EPHB1: variants seen among roughly 807,000 people sequenced by gnomAD.
EPHB1 encodes EPH receptor B1.
Under a neutral mutation model 94.4 loss-of-function variants are expected in EPHB1, and 30 were observed. That is an observed-to-expected ratio of 0.32 (90% CI 0.24 to 0.43). The LOEUF is 0.43. Among genes scored for constraint, EPHB1 ranks in the 20% least tolerant of loss-of-function variants. The pLI is 1.00. For synonymous variants in EPHB1, 522 were observed against 489.1 expected, an observed-to-expected ratio of 1.07 and a Z score of -0.89; for missense variants, 1,055 against 1,308.3, an observed-to-expected ratio of 0.81 and a Z score of 2.99.
intron 7 of EPHB1, among the ~76,000 whole-genome samples, chr3:135,164,847 G>A (rs1233180596): frequency 3.3e-5 from 5 of 150,520 alleles, no homozygotes; most frequent in Non-Finnish European, 5.9e-5. Flanking sequence ...TGTCATTAGG[G>A]TTGCTAGATA....
intron 3 of EPHB1, among the ~76,000 whole-genome samples, chr3:134,987,887 C>T (rs551451812): frequency 1.1e-4 from 17 of 152,272 alleles, no homozygotes; most frequent in Admixed American, 3.9e-4. Context: ...TGATCTTGGA[C>T]GCCCAGCCTC....
chr3:135,091,419 C>G (rs1938547135), intron 3 of EPHB1, among the ~76,000 whole-genome samples: 1 of 152,144 alleles, frequency 6.6e-6, no homozygotes, highest in African/African-American at 2.4e-5. Context: ...TAGTTTGTGC[C>G]TGGAACATTG....
intron 1 of EPHB1, among the ~76,000 whole-genome samples, chr3:134,856,931 G>T (rs927986759): frequency 6.6e-6 from 1 of 152,230 alleles, no homozygotes; most frequent in Middle Eastern, 3.2e-3. Flanking sequence ...AAGAAGGAAG[G>T]TGTGCTGTTT....
intron 12 of EPHB1, among the ~76,000 whole-genome samples, chr3:135,216,986 T>C (rs929492974): frequency 2.6e-5 from 4 of 152,132 alleles, no homozygotes; most frequent in Non-Finnish European, 4.4e-5. Context: ...CACCTGTGTC[T>C]GGAATTAAAA....
At chr3:134,806,775 C>T (rs187977912) in intron 1 of EPHB1, among the ~76,000 whole-genome samples, 105 of 152,212 alleles carry the variant, frequency 6.9e-4, no homozygotes, top group Non-Finnish European at 1.3e-3. Flanking sequence ...AGGCACAAAA[C>T]CAGAAATATT....
intron 5 of EPHB1, among the ~76,000 whole-genome samples, chr3:135,148,091 CA>C (rs1384128077): frequency 2.2e-4 from 33 of 152,018 alleles, no homozygotes; most frequent in African/African-American, 8.0e-4. Flanking sequence ...TATTTTGGCA[CA>C]AAAATCAACT....
rs866877118 is a variant in EPHB1, at chr3:135,033,256, C to G, written c.806-73192C>G. On this transcript the variant is annotated intron_variant, in intron 3 of 15. Coordinates refer to ENST00000398015, the MANE Select transcript of EPHB1 (RefSeq NM_004441.5). ...GTTTATGGTGGGTTCGGCTTAAAGACAGAGAGACAGTCTCAGAGAACCCAG... is the reference window on the plus strand; with the variant it reads ...GTTTATGGTGGGTTCGGCTTAAAGAGAGAGAGACAGTCTCAGAGAACCCAG... Among the ~76,000 whole-genome samples the G allele has an allele frequency of 3.9e-5, 6 of 152,126 alleles. No individual in the cohort carries two copies. In the South Asian group the frequency reaches 1.2e-3, roughly 32 times the overall value.
chr3:135,109,043 G>T (rs1422564820), intron 4 of EPHB1, among the ~76,000 whole-genome samples: 1 of 152,184 alleles, frequency 6.6e-6, no homozygotes, highest in African/African-American at 2.4e-5. Flanking sequence ...GGGAGGGGTT[G>T]CGAAGGTTAT....
intron 4 of EPHB1, among the ~76,000 whole-genome samples, chr3:135,109,399 C>A (rs1247932499): frequency 1.3e-5 from 2 of 152,196 alleles, no homozygotes; most frequent in African/African-American, 4.8e-5. Flanking sequence ...GTATGCTTTT[C>A]TGAGTTATTA....
At chr3:135,089,204 A>T (rs777383375) in intron 3 of EPHB1, among the ~76,000 whole-genome samples, 1 of 152,226 alleles carries the variant, frequency 6.6e-6, no homozygotes, top group Non-Finnish European at 1.5e-5. Flanking sequence ...TCCAGCCAGT[A>T]AGCTATCAAG....
intron 4 of EPHB1, among the ~76,000 whole-genome samples, chr3:135,117,154 G>A (rs1456125407): frequency 6.6e-6 from 1 of 152,234 alleles, no homozygotes; most frequent in Non-Finnish European, 1.5e-5. Flanking sequence ...AAAAGGTTCT[G>A]GTGATGCCTG....
chr3:135,063,525 G>T (rs933078667), intron 3 of EPHB1, among the ~76,000 whole-genome samples: 1 of 152,094 alleles, frequency 6.6e-6, no homozygotes, highest in Non-Finnish European at 1.5e-5. Flanking sequence ...CTAACGATTT[G>T]TGTACACTAA....
intron 3 of EPHB1, among the ~76,000 whole-genome samples, chr3:134,960,689 G>A (rs1258841605): frequency 1.3e-5 from 2 of 152,178 alleles, no homozygotes; most frequent in Non-Finnish European, 2.9e-5. Context: ...AGCTACAATA[G>A]GCCCCTGGAG....
rs2037914774 is a variant in EPHB1 at position 134,889,040 on chromosome 3, G to A, written c.59-36776G>A. On this transcript the variant is annotated intron_variant, in intron 1 of 15. Coordinates refer to ENST00000398015, the MANE Select transcript of EPHB1 (RefSeq NM_004441.5). ...TAGACCCATTAGCAGCCACTCATAG[G>A]TGCTGGGAAGAAATTTAGATTTTCT... 2.0e-5 allele frequency among the ~76,000 whole-genome samples: 3 copies of A among 152,354 alleles called. No individual in the cohort carries two copies. In the South Asian group the frequency reaches 6.2e-4, roughly 32 times the overall value.
chr3:135,040,531 G>T (rs1484453940), intron 3 of EPHB1, among the ~76,000 whole-genome samples: 1 of 152,248 alleles, frequency 6.6e-6, no homozygotes, highest in Admixed American at 6.5e-5. Flanking sequence ...CTGCAGGAGT[G>T]TGGGACTGAC....
chr3:134,960,813 A>G (rs957133620), intron 3 of EPHB1, among the ~76,000 whole-genome samples: 2 of 152,216 alleles, frequency 1.3e-5, no homozygotes, highest in Non-Finnish European at 2.9e-5. Context: ...TTCATTGAGG[A>G]TAGGACCTAG....
At chr3:135,083,835 A>C (rs1204513785) in intron 3 of EPHB1, among the ~76,000 whole-genome samples, 1 of 152,030 alleles carries the variant, frequency 6.6e-6, no homozygotes, top group Non-Finnish European at 1.5e-5. Flanking sequence ...TGTCCCTCTC[A>C]CTCCATCCCC....
chr3:134,869,153 A>G (rs1372537853), intron 1 of EPHB1, among the ~76,000 whole-genome samples: 1 of 152,210 alleles, frequency 6.6e-6, no homozygotes, highest in Admixed American at 6.5e-5. Context: ...GAAGAAGAGG[A>G]GTGGAAAGAG....
intron 3 of EPHB1, among the ~76,000 whole-genome samples, chr3:135,049,429 T>C (rs1166219323): frequency 1.3e-5 from 2 of 152,214 alleles, no homozygotes; most frequent in Non-Finnish European, 2.9e-5. Flanking sequence ...GATCTGATGG[T>C]TGATGGTGGC....
Sources: gnomAD v4.1 joint callset for allele counts (sites outside exome capture counted in the v4.1 genomes callset) on GRCh38, gnomAD v4.1.1 for gene constraint, MANE v1.5 for transcripts, NCBI Gene and HGNC (gene_info 2026-07-23, HGNC 2026-07-21) for gene names.